The following THEMIS variants were observed in gnomAD, a reference collection of about 807,000 sequenced individuals.
THEMIS encodes thymocyte selection associated.
THEMIS carries 37 observed loss-of-function variants against 52.6 expected under a neutral mutation model. The observed-to-expected ratio is 0.70, with a 90% CI of 0.54 to 0.93. The LOEUF (loss-of-function observed/expected upper bound fraction) is 0.93. Ranked by LOEUF, THEMIS falls within the 40% of genes least tolerant of loss-of-function variation. THEMIS has a pLI of 0.00. For missense variants in THEMIS, 808 were observed against 763.1 expected (o/e 1.06, Z -0.69); for synonymous variants, 292 against 272.7 (o/e 1.07, Z -0.70).
intron 1 of THEMIS, among the ~76,000 whole-genome samples, chr6:127,871,919 G>A (rs1489489278): frequency 6.6e-6 from 1 of 152,090 alleles, no homozygotes; most frequent in Non-Finnish European, 1.5e-5. Context: ...TCAGAACATG[G>A]AAGGGGGAAT....
rs1277610611 is a variant in THEMIS at position 127,768,990 on chromosome 6, C to T, written c.1758+43893G>A. Among the ~76,000 whole-genome samples the T allele has an allele frequency of 2.6e-5, 4 of 152,292 alleles. No homozygotes were observed. The East Asian group carries it at 5.8e-4, about 22-fold the overall frequency. On this transcript the variant is annotated intron_variant, in intron 4 of 5. Transcript: ENST00000368248. ...AGCTTAATCTAAAATGCAAATGTTGCAGTGTTTCAAACACATCACCAAAAG... is the reference window on the plus strand; with the variant it reads ...AGCTTAATCTAAAATGCAAATGTTGTAGTGTTTCAAACACATCACCAAAAG...
the THEMIS span, among the ~76,000 whole-genome samples, chr6:127,702,023 T>A: frequency 6.6e-6 from 1 of 152,090 alleles, no homozygotes; most frequent in Admixed American, 6.5e-5. Flanking sequence ...ATTCTCGGAT[T>A]TTTTTTTCTG....
chr6:127,757,607 C>T (rs1020586442), intron 4 of THEMIS, among the ~76,000 whole-genome samples: 53 of 152,068 alleles, frequency 3.5e-4, no homozygotes, highest in Middle Eastern at 3.2e-3. Flanking sequence ...CTCAGCCTCC[C>T]GATTAGCTGG....
chr6:127,864,383 T>C (rs993214003), intron 1 of THEMIS, among the ~76,000 whole-genome samples: 1 of 152,126 alleles, frequency 6.6e-6, no homozygotes, highest in African/African-American at 2.4e-5. Context: ...CTGTTTCTTA[T>C]TGAGAGAAGT....
At chr6:127,903,075 C>A (rs187906928), upstream of THEMIS, among the ~76,000 whole-genome samples, 1 of 152,148 alleles carries the variant, frequency 6.6e-6, no homozygotes, top group East Asian at 1.9e-4. Context: ...AATGACACTG[C>A]TATTCTCTTA....
chr6:127,751,469 T>A (rs1333641642), intron 4 of THEMIS, among the ~76,000 whole-genome samples: 1 of 151,576 alleles, frequency 6.6e-6, no homozygotes, highest in Non-Finnish European at 1.5e-5. Flanking sequence ...AAGGACAAAG[T>A]GAAGTAATCA....
Position 127,911,368 on chromosome 6 carries a change from T to G in THEMIS, c.-150+7060A>C, listed in dbSNP as rs1781407123. On this transcript the variant is annotated intron_variant, in intron 1 of 6. Coordinates refer to the THEMIS transcript ENST00000368250. The stretch of plus-strand genomic sequence containing the variant: ...CTCCTTCATTTATTTATTTATTTAT[T>G]TATTTAATCATGAGTTTATTTATAT... 1.3e-5 allele frequency among the ~76,000 whole-genome samples: 2 copies of G among 150,980 alleles called. 1 individual carries two copies. The highest frequency in any genetic ancestry group is 4.9e-5 in the African/African-American group (2 of 40,498).
At chr6:127,743,083 A>G (rs994556372) in intron 4 of THEMIS, among the ~76,000 whole-genome samples, 2 of 152,214 alleles carry the variant, frequency 1.3e-5, no homozygotes, top group African/African-American at 4.8e-5. Flanking sequence ...TCATTAAAGA[A>G]AGGTGAGAGA....
At chr6:127,747,172 T>TTATA (rs1775469667) in intron 4 of THEMIS, among the ~76,000 whole-genome samples, 1 of 63,984 alleles carries the variant, frequency 1.6e-5, no homozygotes, top group African/African-American at 5.9e-5. Context: ...TTATATATAA[T>TTATA]TATAGATATC....
In THEMIS at chr6:127,813,519, A is replaced by G. The variant is rs202139628; in HGVS notation, c.1122T>C (p.His374=). Residue 374 remains histidine (H), a synonymous_variant, in exon 4 of 6, where the codon CAT becomes CAC. Transcript: ENST00000368248. Reference sequence around the variant, plus strand: ...CGGATGACAGCTTGTCATGAGGGGAATGAAACGCTTTGGTGGCCACCACGT... The same window carrying G: ...CGGATGACAGCTTGTCATGAGGGGAGTGAAACGCTTTGGTGGCCACCACGT... The part of the protein sequence containing the change: ...PLHVVATKAF[H]SPHDKLSSVS... The G allele has an allele frequency of 1.8e-5, 29 of 1,613,618 alleles. No individual in the cohort carries two copies. Among genetic ancestry groups the G allele is most frequent in the Non-Finnish European group, 2.5e-5 (29 of 1,179,878 alleles).
intron 1 of THEMIS, among the ~76,000 whole-genome samples, chr6:127,909,394 TAGTG>T (rs1256983324): frequency 1.3e-5 from 2 of 152,096 alleles, no homozygotes; most frequent in Admixed American, 1.3e-4. Context: ...GTTCTCATGA[TAGTG>T]AGTGAGTTCT....
intron 4 of THEMIS, among the ~76,000 whole-genome samples, chr6:127,780,514 G>C (rs1195736967): frequency 6.6e-6 from 1 of 152,200 alleles, no homozygotes; most frequent in Admixed American, 6.5e-5. Flanking sequence ...AATTTGGTAT[G>C]TTTTTGCAGT....
chr6:127,859,475 C>A (rs1437513656), intron 1 of THEMIS, among the ~76,000 whole-genome samples: 1 of 151,498 alleles, frequency 6.6e-6, no homozygotes, highest in African/African-American at 2.4e-5. Context: ...ACCTCCCCCA[C>A]AGCTAGTAAA....
At chr6:127,796,727 A>G (rs753471194) in intron 4 of THEMIS, among the ~76,000 whole-genome samples, 13 of 152,222 alleles carry the variant, frequency 8.5e-5, no homozygotes, top group Non-Finnish European at 1.6e-4. Flanking sequence ...ATAGACACGC[A>G]CACATAAATA....
At chr6:127,730,302 A>AAAAG in intron 4 of THEMIS, among the ~76,000 whole-genome samples, 1 of 144,764 alleles carries the variant, frequency 6.9e-6, no homozygotes, top group East Asian at 1.9e-4. Context: ...AAAAGAAAAG[A>AAAAG]AAAGAAAAGA....
chr6:127,770,692 C>A (rs926057198), intron 4 of THEMIS, among the ~76,000 whole-genome samples: 1 of 152,106 alleles, frequency 6.6e-6, no homozygotes, highest in African/African-American at 2.4e-5. Context: ...GAAGTCCTTG[C>A]CCATGCCTGT....
At chr6:127,807,062 C>T (rs1226996463) in intron 4 of THEMIS, among the ~76,000 whole-genome samples, 1 of 152,070 alleles carries the variant, frequency 6.6e-6, no homozygotes, top group Non-Finnish European at 1.5e-5. Context: ...CAAATAGCTA[C>T]CAAAAAAATG....
chr6:127,828,823 G>A (rs1314065443), intron 3 of THEMIS, among the ~76,000 whole-genome samples: 2 of 152,014 alleles, frequency 1.3e-5, no homozygotes, highest in African/African-American at 2.4e-5. Context: ...ACATGGTGGC[G>A]GGTGCCTGTA....
chr6:127,711,767 A>G (rs1332901909), intron 5 of THEMIS, among the ~76,000 whole-genome samples: 1 of 152,024 alleles, frequency 6.6e-6, no homozygotes. Context: ...AATAACAGCA[A>G]TATTTCTTCC....
Sources: gnomAD v4.1 joint callset for allele counts (sites outside exome capture counted in the v4.1 genomes callset) on GRCh38, gnomAD v4.1.1 for gene constraint, MANE v1.5 for transcripts, NCBI Gene and HGNC (gene_info 2026-07-23, HGNC 2026-07-21) for gene names.